The following PRR11 variants were observed in gnomAD, a reference collection of about 807,000 sequenced individuals.
The protein encoded by PRR11 is proline-rich protein 11.
In PRR11, 30 loss-of-function variants were observed where a neutral mutation model predicts 45.6. The observed-to-expected ratio is 0.66, with a 90% confidence interval of 0.49 to 0.89. PRR11 has a LOEUF of 0.89. Among genes scored for constraint, PRR11 ranks in the 40% least tolerant of loss-of-function variants. The pLI, the probability that PRR11 is intolerant of heterozygous loss-of-function variation, is 0.00. For synonymous variants in PRR11, 128 were observed against 153.5 expected, an observed-to-expected ratio of 0.83 and a Z score of 1.23; for missense variants, 373 against 424.8, an observed-to-expected ratio of 0.88 and a Z score of 1.07.
intron 2 of PRR11, among the ~76,000 whole-genome samples, chr17:59,172,097 T>C (rs1469646867): frequency 6.6e-6 from 1 of 152,156 alleles, no homozygotes; most frequent in African/African-American, 2.4e-5. Flanking sequence ...AATAAATGCA[T>C]AGTGTGTATG....
chr17:59,197,345 G>A (rs1171038832), intron 7 of PRR11, among the ~76,000 whole-genome samples, 199 bp from the exon 8 acceptor site: 5 of 148,922 alleles, frequency 3.4e-5, no homozygotes, highest in South Asian at 2.1e-4. Flanking sequence ...TCTGCCTTCC[G>A]GGTTCACGCC....
At chr17:59,169,935 T>C in intron 2 of PRR11, 55 bp downstream of exon 2, 1 of 1,524,994 alleles carries the variant, frequency 6.6e-7, no homozygotes, top group Non-Finnish European at 8.8e-7. Flanking sequence ...CAGTTTAAGA[T>C]AGAGTTTCAG....
At position 59,171,103 on chromosome 17, in the gene PRR11, C is replaced by CA. The variant is rs954390327; in HGVS notation, c.128+1233dup. On this transcript the variant is annotated intron_variant, in intron 2 of 9. Coordinates refer to ENST00000262293, the MANE Select transcript of PRR11 (RefSeq NM_018304.4). ...TGAAACCCCGTCTCTACTAAAAATA[C>CA]AAAAAAAAAATTAGCCGGGCGCGGT... Among the ~76,000 whole-genome samples the CA allele has an allele frequency of 4.5e-4, 67 of 148,472 alleles. 1 individual carries two copies. The East Asian group carries it at 9.8e-3, about 22-fold the overall frequency.
intron 4 of PRR11, among the ~76,000 whole-genome samples, chr17:59,186,210 T>TTG (rs2046813030): frequency 3.9e-5 from 6 of 152,012 alleles, no homozygotes; most frequent in Admixed American, 3.9e-4. Flanking sequence ...GTGATCCTCC[T>TTG]ACCTCAGCCT....
chr17:59,165,759 T>C (rs1246427064), intron 1 of PRR11, among the ~76,000 whole-genome samples: 1 of 151,834 alleles, frequency 6.6e-6, no homozygotes, highest in Non-Finnish European at 1.5e-5. Flanking sequence ...GCCATTGCAC[T>C]CCAGCCTGGG....
intron 2 of PRR11, among the ~76,000 whole-genome samples, chr17:59,178,840 T>A (rs1405976853): frequency 1.3e-5 from 2 of 152,148 alleles, no homozygotes; most frequent in Admixed American, 6.5e-5. Flanking sequence ...GGAATTCCCA[T>A]CATTTCCTCA....
chr17:59,170,089 C>T (rs1306683148), intron 2 of PRR11, among the ~76,000 whole-genome samples: 2 of 152,170 alleles, frequency 1.3e-5, no homozygotes, highest in African/African-American at 2.4e-5. Flanking sequence ...CCTGTCTCTA[C>T]TAAAACTACA....
intron 2 of PRR11, chr17:59,181,549 A>G: frequency 8.2e-7 from 1 of 1,220,512 alleles, no homozygotes; most frequent in Non-Finnish European, 1.2e-6. Flanking sequence ...CTCAGGGAGC[A>G]CGAATGACAC....
chr17:59,187,438 T>C (rs1207669176), intron 4 of PRR11, among the ~76,000 whole-genome samples: 3 of 151,794 alleles, frequency 2.0e-5, no homozygotes, highest in African/African-American at 7.3e-5. Flanking sequence ...GGCTTGTTAG[T>C]GCATGCCTGT....
chr17:59,171,961 A>C (rs1431821355), intron 2 of PRR11, among the ~76,000 whole-genome samples: 2 of 152,186 alleles, frequency 1.3e-5, no homozygotes, highest in African/African-American at 4.8e-5. Context: ...ATATATATAT[A>C]TACATAACAG....
rs1198138545 is a variant in PRR11 at position 59,184,470 on chromosome 17, TAAAC to T, written c.129-580_129-577del. ...AGAGCAAAACTCCGTCTCAAAAAAA[TAAAC>T]AAAGAACCTGTGAGTGAGTTCCCAT... is the stretch of plus-strand genomic sequence containing the variant. On this transcript the variant is annotated intron_variant, in intron 2 of 9. Transcript: ENST00000262293. 3.3e-5 allele frequency among the ~76,000 whole-genome samples: 5 copies of T among 151,990 alleles called. No individual in the cohort carries two copies. The East Asian group carries it at 5.8e-4, about 18-fold the overall frequency.
chr17:59,197,836 T>C (rs774081549), intron 9 of PRR11, 47 bp downstream of exon 9: 13 of 1,564,460 alleles, frequency 8.3e-6, no homozygotes, highest in South Asian at 2.2e-5. Context: ...TGAAAATAAT[T>C]TGGCCTGGTG....
Position 59,194,767 on chromosome 17 carries a change from T to C in PRR11, c.656T>C (p.Leu219Ser), listed in dbSNP as rs1412750998. ...SLAKALQAGP[L>S]KKDGPMQITV... is the part of the protein sequence containing the mutation. ...ACCATGTATTTTAAGGCTGGACCAT[T>C]AAAAAAAGATGGACCCATGCAGATA... Residue 219 changes from leucine to serine, a missense_variant, in exon 6 of 10, where the codon TTA (leucine) becomes TCA (serine). Coordinates refer to ENST00000262293, the MANE Select transcript of PRR11 (RefSeq NM_018304.4). 3.7e-6 allele frequency: 6 copies of C among 1,612,192 alleles called. No homozygotes were observed. Among genetic ancestry groups the C allele is most frequent in the Middle Eastern group, 1.7e-4 (1 of 6,058 alleles).
intron 1 of PRR11, among the ~76,000 whole-genome samples, chr17:59,163,847 T>TCGACGTCAGGA (rs2046665991): frequency 6.6e-6 from 1 of 152,000 alleles, no homozygotes; most frequent in African/African-American, 2.4e-5. Context: ...CTGATGGATC[T>TCGACGTCAGGA]CGACGTCAGG....
chr17:59,178,361 C>T, intron 2 of PRR11: 2 of 426,416 alleles, frequency 4.7e-6, no homozygotes, highest in South Asian at 1.8e-5. Flanking sequence ...GTGGGAGCAT[C>T]TGGTGGGAAG....
At chr17:59,200,942 T>C (rs1186532855) in intron 9 of PRR11, among the ~76,000 whole-genome samples, 1 of 152,086 alleles carries the variant, frequency 6.6e-6, no homozygotes, top group Admixed American at 6.6e-5. Context: ...ATCTTTTTTT[T>C]TTTTAAATTT....
chr17:59,168,622 G>A (rs1412874088), intron 1 of PRR11, among the ~76,000 whole-genome samples: 1 of 152,030 alleles, frequency 6.6e-6, no homozygotes, highest in Non-Finnish European at 1.5e-5. Context: ...CCTGGGAGGT[G>A]GAGGTTGCAG....
chr17:59,180,127 CTTTT>C (rs564643757), intron 2 of PRR11, among the ~76,000 whole-genome samples: 8 of 114,938 alleles, frequency 7.0e-5, no homozygotes, highest in African/African-American at 2.2e-4. Flanking sequence ...TGAGTCTCTC[CTTTT>C]TTTTTTTTTT....
chr17:59,180,501 TTTTTTTTTGTTTTTTTTG>T (rs57628359), intron 2 of PRR11, among the ~76,000 whole-genome samples: 1 of 116,188 alleles, frequency 8.6e-6, no homozygotes. Flanking sequence ...TCCTTGTTTT[TTTTTTTTTGTTTTTTTTG>T]TTTTTTTTGC....
Sources: allele counts gnomAD v4.1 joint callset (sites outside exome capture counted in the v4.1 genomes callset), GRCh38; gene constraint gnomAD v4.1.1; transcripts MANE v1.5; gene names NCBI Gene and HGNC (gene_info 2026-07-23, HGNC 2026-07-21).